The following SERGEF variants were observed in gnomAD, a reference collection of about 807,000 sequenced individuals.
SERGEF encodes the protein secretion regulating guanine nucleotide exchange factor.
A neutral mutation model predicts 50.0 loss-of-function variants in SERGEF; 51 were observed. The ratio of observed to expected loss-of-function variants is 1.02; its 90% CI spans 0.81 to 1.29. The LOEUF (loss-of-function observed/expected upper bound fraction) is 1.29. Ranked by LOEUF, SERGEF falls within the 50% of genes most tolerant of loss-of-function variation. The pLI, the probability that SERGEF is intolerant of heterozygous loss-of-function variation, is 0.00. For synonymous variants in SERGEF, 205 were observed against 212.4 expected (o/e 0.97, Z 0.30); for missense variants, 521 against 557.0 (o/e 0.94, Z 0.65).
chr11:18,007,916 ACTAT>A, intron 2 of SERGEF, 21 bp downstream of exon 2: 1 of 1,595,714 alleles, frequency 6.3e-7, no homozygotes, highest in Non-Finnish European at 8.6e-7. Flanking sequence ...AAAATGAGTG[ACTAT>A]CTACTTTTGA....
At chr11:17,887,959 G>C (rs181989258) in intron 9 of SERGEF, among the ~76,000 whole-genome samples, 1 of 152,130 alleles carries the variant, frequency 6.6e-6, no homozygotes, top group Non-Finnish European at 1.5e-5. Context: ...CTGTATTTAC[G>C]GCTGCTTCCC....
At chr11:17,830,391 C>T (rs1850272277) in intron 10 of SERGEF, among the ~76,000 whole-genome samples, 1 of 152,166 alleles carries the variant, frequency 6.6e-6, no homozygotes, top group African/African-American at 2.4e-5. Context: ...GCTGCTATAA[C>T]AGAATAGCAC....
chr11:17,874,279 G>T (rs527237525), intron 10 of SERGEF: 22 of 152,396 alleles, frequency 1.4e-4, no homozygotes, highest in African/African-American at 4.6e-4. Flanking sequence ...TTTTACAAAT[G>T]AGGAATCAGG....
chr11:17,900,337 G>T (rs768468493), intron 9 of SERGEF, among the ~76,000 whole-genome samples: 3 of 152,176 alleles, frequency 2.0e-5, no homozygotes, highest in Admixed American at 6.5e-5. Flanking sequence ...AAAATGCTTA[G>T]AGCAGTATTG....
chr11:17,876,814 T>G (rs111933995), intron 10 of SERGEF, among the ~76,000 whole-genome samples: 8,673 of 152,288 alleles, frequency 0.057, 829 homozygotes, highest in African/African-American at 0.2. Flanking sequence ...AGCAGCAATG[T>G]CCTAGGCACC....
At position 17,888,187 on chromosome 11, in the gene SERGEF, C is replaced by CA. The variant is rs1851466113; in HGVS notation, c.1012-9944dup. Reference sequence around the variant, plus strand: ...CTTCCAGGAAACCGGCCCCTAGTGCCAAAAAGGTTGGGGACTGCTGCTTTA... The same window carrying CA: ...CTTCCAGGAAACCGGCCCCTAGTGCCAAAAAAGGTTGGGGACTGCTGCTTTA... On this transcript the variant is annotated intron_variant, in intron 9 of 10. Coordinates refer to ENST00000265965, the MANE Select transcript of SERGEF (RefSeq NM_012139.4). This position sits in a 1 kb window ranked among gnomAD's most constrained non-coding sequence, Gnocchi z 4.1. 4.6e-5 allele frequency among the ~76,000 whole-genome samples: 7 copies of CA among 152,106 alleles called. No homozygotes were observed. The highest frequency in any genetic ancestry group is 4.6e-4 in the Admixed American group (7 of 15,264).
intron 10 of SERGEF, among the ~76,000 whole-genome samples, chr11:17,813,809 G>A (rs2237946): frequency 0.51 from 78,063 of 152,158 alleles, 20,632 homozygotes; most frequent in East Asian, 0.86. Context: ...TACAGGATAT[G>A]GAGGAAAACT....
intron 10 of SERGEF, among the ~76,000 whole-genome samples, chr11:17,800,203 A>G (rs1240211559): frequency 3.8e-4 from 58 of 152,294 alleles, no homozygotes; most frequent in Non-Finnish European, 7.4e-5. Flanking sequence ...GGTTCATAGT[A>G]AAATTAAGCA....
chr11:17,828,890 C>T (rs1438769194), intron 10 of SERGEF, among the ~76,000 whole-genome samples: 2 of 152,128 alleles, frequency 1.3e-5, no homozygotes, highest in African/African-American at 4.8e-5. Context: ...TTCTTACCAT[C>T]CGTAAAATGG....
intron 10 of SERGEF, among the ~76,000 whole-genome samples, chr11:17,828,115 G>GATA (rs1850232764): frequency 6.6e-6 from 1 of 152,148 alleles, no homozygotes; most frequent in Admixed American, 6.5e-5. Context: ...GAGATACCCC[G>GATA]TATCTACTGT....
At chr11:17,994,400 C>T (rs955935451) in intron 6 of SERGEF, among the ~76,000 whole-genome samples, 6 of 134,682 alleles carry the variant, frequency 4.5e-5, no homozygotes, top group Admixed American at 8.7e-5. Flanking sequence ...GGCGTGAACC[C>T]GGGAGGCGGA....
chr11:17,919,016 T>C (rs1490963077), intron 9 of SERGEF, among the ~76,000 whole-genome samples: 1 of 152,148 alleles, frequency 6.6e-6, no homozygotes, highest in African/African-American at 2.4e-5. Flanking sequence ...TTTGTACATA[T>C]ATAGAGAGCT....
intron 7 of SERGEF, among the ~76,000 whole-genome samples, chr11:17,989,060 A>T (rs1394842121): frequency 6.6e-6 from 1 of 152,218 alleles, no homozygotes; most frequent in Non-Finnish European, 1.5e-5. Context: ...CATGTGTATG[A>T]GACACATTTC....
At chr11:17,927,962 G>C (rs964086690) in intron 9 of SERGEF, among the ~76,000 whole-genome samples, 1 of 152,212 alleles carries the variant, frequency 6.6e-6, no homozygotes, top group Non-Finnish European at 1.5e-5. Context: ...TAGTAGTAAG[G>C]GCTGAGGAGA....
chr11:17,816,798 A>G (rs1202528389), intron 10 of SERGEF, among the ~76,000 whole-genome samples: 2 of 152,092 alleles, frequency 1.3e-5, no homozygotes, highest in East Asian at 3.8e-4. Flanking sequence ...GCCTGAGCCA[A>G]CCCCCTTCAT....
chr11:17,805,700 A>G (rs2299630), intron 10 of SERGEF, among the ~76,000 whole-genome samples: 54,007 of 152,018 alleles, frequency 0.36, 9,910 homozygotes, highest in South Asian at 0.44. Flanking sequence ...AGCTTCATGC[A>G]GTGGAAAGAC....
intron 10 of SERGEF, among the ~76,000 whole-genome samples, chr11:17,857,532 C>G (rs1169195001): frequency 6.6e-6 from 1 of 152,218 alleles, no homozygotes; most frequent in Non-Finnish European, 1.5e-5. Flanking sequence ...CCCCTTCTTG[C>G]TATGTAATGC....
intron 10 of SERGEF, among the ~76,000 whole-genome samples, chr11:17,875,456 A>G (rs929619067): frequency 6.6e-6 from 1 of 152,202 alleles, no homozygotes; most frequent in Non-Finnish European, 1.5e-5. Context: ...GATGGATTTG[A>G]GCGTTGCCTC....
chr11:17,860,967 G>A (rs1850916026), intron 10 of SERGEF, among the ~76,000 whole-genome samples: 1 of 152,186 alleles, frequency 6.6e-6, no homozygotes, highest in South Asian at 2.1e-4. Flanking sequence ...TGTTTCAAGA[G>A]TGAAGGCTAA....
Sources: allele counts gnomAD v4.1 joint callset (sites outside exome capture counted in the v4.1 genomes callset), GRCh38; gene constraint gnomAD v4.1.1; non-coding constraint Gnocchi (gnomAD v3.1); transcripts MANE v1.5; gene names NCBI Gene and HGNC (gene_info 2026-07-23, HGNC 2026-07-21).